Variants in DOCK3 observed in about 807,000 individuals in gnomAD.
DOCK3 encodes dedicator of cytokinesis protein 3.
In DOCK3, 60 loss-of-function variants were observed where a neutral mutation model predicts 265.6. That is an observed-to-expected ratio of 0.23 (90% CI 0.18 to 0.28). DOCK3 has a LOEUF of 0.28. Ranked by LOEUF, DOCK3 falls within the 10% of genes least tolerant of loss-of-function variation. The pLI is 1.00. For missense variants in DOCK3, 1,981 were observed against 2,594.3 expected, an observed-to-expected ratio of 0.76 and a Z score of 5.14; for synonymous variants, 881 against 938.0, an observed-to-expected ratio of 0.94 and a Z score of 1.11.
chr3:51,103,095 C>G (rs1233225971), intron 9 of DOCK3, among the ~76,000 whole-genome samples: 2 of 152,142 alleles, frequency 1.3e-5, no homozygotes, highest in Non-Finnish European at 2.9e-5. Context: ...TAAATGTCTA[C>G]CTGCTTGTTG....
intron 3 of DOCK3, among the ~76,000 whole-genome samples, chr3:50,858,082 G>A (rs1057060201): frequency 1.3e-5 from 2 of 152,128 alleles, no homozygotes; most frequent in African/African-American, 2.4e-5. Flanking sequence ...TATATACCAT[G>A]GAATACTATG....
At chr3:50,821,543 G>A (rs914829002) in intron 2 of DOCK3, among the ~76,000 whole-genome samples, 2 of 152,046 alleles carry the variant, frequency 1.3e-5, no homozygotes, top group African/African-American at 2.4e-5. Context: ...CTCGTGATCC[G>A]CCTGCCTCGG....
rs1408521712 is a variant in DOCK3, at chr3:51,357,063, C to T, written c.4605C>T (p.Gly1535=). ...AGTATCAACACAAGCAGGTGCATGG[C>T]AACATTAACCTGCTAAGCATGTGCC... ...ISQYQHKQVH[G]NINLLSMCLN... is the part of the protein sequence containing the mutation. The change falls in exon 44 of 53, where the codon GGC becomes GGT. Residue 1535 remains glycine (G), a synonymous_variant. Transcript: ENST00000266037. The T allele has an allele frequency of 3.7e-6, 6 of 1,613,106 alleles. No homozygotes were observed. Among genetic ancestry groups the T allele is most frequent in the Non-Finnish European group, 5.1e-6 (6 of 1,179,900 alleles).
Position 51,312,564 on chromosome 3 carries a change from AGAT to A in DOCK3, c.3183_3185del (p.Lys1061_Ile1062delinsAsn). The A allele has an allele frequency of 6.3e-7, 1 of 1,588,256 alleles. No individual in the cohort carries two copies. The highest frequency in any genetic ancestry group is 8.5e-7 in the Non-Finnish European group (1 of 1,173,318). ...ATTATCACCTCAGCCAAAAGGAAGA[AGAT>A]TCTAGATAAGTAAGATAAACGTCTT... On this transcript the variant is annotated inframe_deletion, in exon 30 of 53. Coordinates refer to ENST00000266037, the MANE Select transcript of DOCK3 (RefSeq NM_004947.5).
intron 33 of DOCK3, among the ~76,000 whole-genome samples, chr3:51,332,489 T>A (rs1186497592): frequency 6.6e-6 from 1 of 152,180 alleles, no homozygotes. Flanking sequence ...ACTTGCTCAC[T>A]TTCCCTCATG....
intron 5 of DOCK3, among the ~76,000 whole-genome samples, chr3:50,959,929 A>G (rs902921619): frequency 2.0e-5 from 3 of 152,102 alleles, no homozygotes; most frequent in Non-Finnish European, 4.4e-5. Flanking sequence ...TTCATACAGT[A>G]TGTTTCTTTC....
At chr3:50,957,880 A>G (rs1374347679) in intron 5 of DOCK3, among the ~76,000 whole-genome samples, 1 of 152,210 alleles carries the variant, frequency 6.6e-6, no homozygotes, top group Non-Finnish European at 1.5e-5. Flanking sequence ...TAAATTAACT[A>G]AAGCCAAAAT....
intron 35 of DOCK3, 105 bp from the exon 36 acceptor site, chr3:51,338,254 C>G: frequency 1.5e-6 from 2 of 1,290,794 alleles, no homozygotes; most frequent in South Asian, 1.3e-5. Context: ...GAGGCCATCT[C>G]AATCTGGGAT....
chr3:51,074,820 A>C (rs1009619645), intron 6 of DOCK3, among the ~76,000 whole-genome samples: 2 of 152,148 alleles, frequency 1.3e-5, no homozygotes, highest in Non-Finnish European at 2.9e-5. Context: ...TGCGTAACAA[A>C]CCTGCACATC....
chr3:51,041,349 C>T (rs2080525042), intron 5 of DOCK3, among the ~76,000 whole-genome samples: 1 of 148,966 alleles, frequency 6.7e-6, no homozygotes, highest in African/African-American at 2.5e-5. Context: ...TCCCAAGTAG[C>T]TGGGACTACA....
intron 3 of DOCK3, among the ~76,000 whole-genome samples, chr3:50,848,771 T>C (rs1194542406): frequency 1.3e-5 from 2 of 152,216 alleles, no homozygotes; most frequent in African/African-American, 4.8e-5. Context: ...TATGCCTTGG[T>C]AATTTTCATT....
intron 3 of DOCK3, among the ~76,000 whole-genome samples, chr3:50,871,496 A>C (rs2047430269): frequency 6.6e-6 from 1 of 151,602 alleles, no homozygotes; most frequent in Admixed American, 6.6e-5. Flanking sequence ...GTCTTGAGGT[A>C]GTCCTCTGTG....
At chr3:50,828,567 G>C (rs527907870) in intron 2 of DOCK3, among the ~76,000 whole-genome samples, 1 of 151,876 alleles carries the variant, frequency 6.6e-6, no homozygotes, top group South Asian at 2.1e-4. Context: ...ACCACGCCCA[G>C]CTAATTTTCA....
chr3:51,191,827 G>A (rs1379366954), intron 12 of DOCK3, among the ~76,000 whole-genome samples: 1 of 151,562 alleles, frequency 6.6e-6, no homozygotes, highest in Non-Finnish European at 1.5e-5. Context: ...CACTTTTATG[G>A]GATTATTAGC....
At chr3:51,018,412 A>G (rs1383540886) in intron 5 of DOCK3, among the ~76,000 whole-genome samples, 1 of 150,426 alleles carries the variant, frequency 6.6e-6, no homozygotes, top group South Asian at 2.1e-4. Flanking sequence ...AGCCTGGGCA[A>G]CAAAGTGAGA....
At chr3:51,334,750 C>G (rs528217556) in intron 35 of DOCK3, among the ~76,000 whole-genome samples, 59 of 152,168 alleles carry the variant, frequency 3.9e-4, no homozygotes, top group Non-Finnish European at 3.5e-4. Context: ...AAAACATTTT[C>G]TAAAGTTTGG....
chr3:51,247,836 A>C (rs2078912186), intron 22 of DOCK3, among the ~76,000 whole-genome samples: 1 of 152,176 alleles, frequency 6.6e-6, no homozygotes, highest in South Asian at 2.1e-4. Flanking sequence ...AGTGTAGGGC[A>C]GGGTGCTGAG....
chr3:51,078,515 T>C (rs760822856), intron 7 of DOCK3, among the ~76,000 whole-genome samples: 2 of 152,180 alleles, frequency 1.3e-5, no homozygotes, highest in Non-Finnish European at 2.9e-5. Context: ...TCACTAGAGA[T>C]GGAGATGAGC....
intron 2 of DOCK3, among the ~76,000 whole-genome samples, chr3:50,800,906 C>A (rs1012191243): frequency 6.6e-6 from 1 of 152,092 alleles, no homozygotes; most frequent in Admixed American, 6.5e-5. Context: ...TTCTTAATTT[C>A]TTCTTCCATC....
Sources: gnomAD v4.1 joint callset for allele counts (sites outside exome capture counted in the v4.1 genomes callset) on GRCh38, gnomAD v4.1.1 for gene constraint, MANE v1.5 for transcripts, NCBI Gene and HGNC (gene_info 2026-07-23, HGNC 2026-07-21) for gene names.